Variants in INVS observed in about 807,000 individuals in gnomAD.
INVS encodes the protein inversin, also known as inversion of embryo turning homolog.
In INVS, 86 loss-of-function variants were observed where a neutral mutation model predicts 108.8. That is an observed-to-expected ratio of 0.79 (90% CI 0.66 to 0.95). INVS has a LOEUF of 0.95. Ranked by LOEUF, INVS falls within the 40% of genes least tolerant of loss-of-function variation. The pLI is 0.00. For missense variants in INVS, 1,169 were observed against 1,297.4 expected (o/e 0.90, Z 1.52); for synonymous variants, 455 against 473.5 (o/e 0.96, Z 0.51).
intron 4 of INVS, among the ~76,000 whole-genome samples, chr9:100,227,510 G>T (rs183843645): frequency 7.0e-6 from 1 of 143,664 alleles, no homozygotes; most frequent in Admixed American, 6.7e-5. Flanking sequence ...TTATGTTGAC[G>T]AGAACAGCAG....
intron 11 of INVS, among the ~76,000 whole-genome samples, chr9:100,268,975 G>T (rs1832869963): frequency 6.6e-6 from 1 of 152,096 alleles, no homozygotes; most frequent in South Asian, 2.1e-4. Context: ...TGTTAATCCT[G>T]CTTATATATT....
chr9:100,107,322 TA>T (rs1203455484), intron 2 of INVS, among the ~76,000 whole-genome samples: 1 of 152,228 alleles, frequency 6.6e-6, no homozygotes, highest in Non-Finnish European at 1.5e-5. Flanking sequence ...ACACTTTAGT[TA>T]ATTTTGCCAT....
intron 3 of INVS, among the ~76,000 whole-genome samples, chr9:100,148,156 A>G (rs1275988615): frequency 6.6e-6 from 1 of 152,160 alleles, no homozygotes; most frequent in African/African-American, 2.4e-5. Context: ...CCTGGACAAC[A>G]GAGTGAGACC....
chr9:100,252,201 C>A, intron 8 of INVS, 82 bp from the exon 9 acceptor site: 1 of 1,402,522 alleles, frequency 7.1e-7, no homozygotes, highest in Non-Finnish European at 1.0e-6. Flanking sequence ...ATGGGGAAAT[C>A]AAGAGAGGAA....
intron 3 of INVS, among the ~76,000 whole-genome samples, chr9:100,154,658 G>A (rs1272984828): frequency 6.6e-6 from 1 of 151,984 alleles, no homozygotes; most frequent in Non-Finnish European, 1.5e-5. Flanking sequence ...ACTATGAAGT[G>A]ACCTCCAGGT....
At chr9:100,219,640 T>C (rs1831087029) in intron 3 of INVS, among the ~76,000 whole-genome samples, 1 of 152,176 alleles carries the variant, frequency 6.6e-6, no homozygotes, top group African/African-American at 2.4e-5. Context: ...GAGATATGTA[T>C]GAGAATATTC....
chr9:100,294,170 GA>G (rs1833716354), intron 14 of INVS, among the ~76,000 whole-genome samples: 3 of 152,164 alleles, frequency 2.0e-5, no homozygotes, highest in Admixed American at 1.3e-4. Context: ...CCTGTCTCAA[GA>G]AAAGAAATAG....
chr9:100,100,964 TAA>T (rs72138166), intron 1 of INVS, among the ~76,000 whole-genome samples: 30,046 of 62,236 alleles, frequency 0.48, 8,555 homozygotes, highest in East Asian at 0.91. Context: ...ATTATATATA[TAA>T]TATATATTAT....
chr9:100,249,827 G>A (rs992910848), intron 8 of INVS, among the ~76,000 whole-genome samples: 11 of 151,170 alleles, frequency 7.3e-5, no homozygotes, highest in African/African-American at 1.9e-4. Flanking sequence ...ACCTTAGGCC[G>A]AGCGTGGTAG....
intron 3 of INVS, among the ~76,000 whole-genome samples, chr9:100,217,109 G>C (rs1831012920): frequency 6.6e-6 from 1 of 152,062 alleles, no homozygotes. Context: ...AGGAGTTTGT[G>C]ACCAGCCTGG....
chr9:100,234,828 A>T (rs916996568), intron 5 of INVS, among the ~76,000 whole-genome samples: 1 of 152,148 alleles, frequency 6.6e-6, no homozygotes, highest in Non-Finnish European at 1.5e-5. Flanking sequence ...TACTGAGAAG[A>T]ATATATATTC....
In INVS at chr9:100,187,525, CTTTTTTT is replaced by C. The variant is rs34728274; in HGVS notation, c.274-38524_274-38518del. Reference sequence around the variant, plus strand: ...CATTTGTTTGTATCATCTATGATTTCTTTTTTTTTTTTTTTTTTTGAGACAAAGTCTC... The same window carrying C: ...CATTTGTTTGTATCATCTATGATTTCTTTTTTTTTTTTGAGACAAAGTCTC... On this transcript the variant is annotated intron_variant, in intron 3 of 16. Transcript: ENST00000262457. Among the ~76,000 whole-genome samples the C allele has an allele frequency of 3.8e-5, 4 of 105,564 alleles. No homozygotes were observed. In the Admixed American group the frequency reaches 3.9e-4, roughly 10 times the overall value. 69.3% of individuals were successfully genotyped at this position (105,564 alleles called of 152,430 possible). A position where few individuals can be genotyped will look rare whatever the true frequency, so the allele number is the denominator to read the frequency against.
chr9:100,299,723 T>C (rs1046637205), intron 16 of INVS, among the ~76,000 whole-genome samples: 3 of 151,542 alleles, frequency 2.0e-5, no homozygotes, highest in Non-Finnish European at 4.4e-5. Context: ...GAACTCCCTT[T>C]AAAGTTCCAT....
rs754479299 is a variant in INVS at position 100,252,344 on chromosome 9, T to C, written c.1140T>C (p.Asn380=). 5.0e-6 allele frequency: 8 copies of C among 1,613,954 alleles called. No individual in the cohort carries two copies. In the South Asian group the frequency reaches 8.8e-5, roughly 18 times the overall value. Residue 380 remains asparagine, a synonymous_variant, in exon 9 of 17, where the codon AAT becomes AAC. Transcript: ENST00000262457. ...VSTVKLLLEN[N]AQVDATDVMK... is the part of the protein sequence containing the mutation. Reference sequence around the variant, plus strand: ...CCGTGAAGTTATTACTGGAAAATAATGCTCAAGTAGATGCTACTGATGTTA... The same window carrying C: ...CCGTGAAGTTATTACTGGAAAATAACGCTCAAGTAGATGCTACTGATGTTA...
At chr9:100,290,557 G>A (rs963537753) in intron 13 of INVS, among the ~76,000 whole-genome samples, 15 of 152,144 alleles carry the variant, frequency 9.9e-5, no homozygotes, top group Non-Finnish European at 2.1e-4. Context: ...TCTCCACATC[G>A]GTCAGGCTGG....
chr9:100,154,020 A>T (rs1347557732), intron 3 of INVS, among the ~76,000 whole-genome samples: 1 of 152,274 alleles, frequency 6.6e-6, no homozygotes, highest in African/African-American at 2.4e-5. Context: ...CAGCAAAATT[A>T]ACCAGAATAT....
At chr9:100,169,041 A>G (rs1350170366) in intron 3 of INVS, among the ~76,000 whole-genome samples, 1 of 152,230 alleles carries the variant, frequency 6.6e-6, no homozygotes, top group African/African-American at 2.4e-5. Flanking sequence ...TACTATTAAT[A>G]GAAAAAATAA....
chr9:100,261,109 A>T (rs1380056396), intron 10 of INVS, among the ~76,000 whole-genome samples: 1 of 152,132 alleles, frequency 6.6e-6, no homozygotes, highest in Non-Finnish European at 1.5e-5. Flanking sequence ...TTGCATGTTA[A>T]TTATGTTTTC....
At chr9:100,154,286 T>G (rs1278206717) in intron 3 of INVS, among the ~76,000 whole-genome samples, 3 of 150,238 alleles carry the variant, frequency 2.0e-5, no homozygotes, top group African/African-American at 4.9e-5. Flanking sequence ...CACCTTAGGC[T>G]CCTGAGTAGC....
Sources: gnomAD v4.1 joint callset for allele counts (sites outside exome capture counted in the v4.1 genomes callset) on GRCh38, gnomAD v4.1.1 for gene constraint, MANE v1.5 for transcripts, NCBI Gene and HGNC (gene_info 2026-07-23, HGNC 2026-07-21) for gene names.